Variants in MTCL3 observed in about 807,000 individuals in gnomAD.
The protein encoded by MTCL3 is MTCL family member 3.
At chr6:127,517,998 T>A in the MTCL3 span, among the ~76,000 whole-genome samples, 6 of 152,230 alleles carry the variant, frequency 3.9e-5, no homozygotes, top group African/African-American at 1.4e-4. Context: ...GCATCACAAC[T>A]TAGCATGCAG....
chr6:127,486,583 T>C, the MTCL3 span, among the ~76,000 whole-genome samples: 4 of 152,176 alleles, frequency 2.6e-5, no homozygotes, highest in Non-Finnish European at 5.9e-5. Context: ...CAGATTTTCA[T>C]ATTTGCTGGC....
chr6:127,505,178 T>C, the MTCL3 span, among the ~76,000 whole-genome samples: 5 of 152,226 alleles, frequency 3.3e-5, no homozygotes, highest in Admixed American at 2.0e-4. Flanking sequence ...AGTTGTAATT[T>C]CTACAGCGCT....
the MTCL3 span, among the ~76,000 whole-genome samples, chr6:127,482,144 T>G: frequency 6.6e-6 from 1 of 152,192 alleles, no homozygotes; most frequent in Non-Finnish European, 1.5e-5. This position sits in a 1 kb window ranked among gnomAD's most constrained non-coding sequence, Gnocchi z 4.1. Flanking sequence ...TAGCCATTCT[T>G]TTATTCCTTT....
chr6:127,494,761 C>G, the MTCL3 span, among the ~76,000 whole-genome samples: 1 of 152,080 alleles, frequency 6.6e-6, no homozygotes, highest in African/African-American at 2.4e-5. Flanking sequence ...AAAGCAAGAC[C>G]ACCTTGCTTT....
the MTCL3 span, chr6:127,473,033 A>C: frequency 3.1e-6 from 3 of 967,780 alleles, no homozygotes; most frequent in African/African-American, 1.7e-5. Context: ...GAAAAAAAGA[A>C]GTAAAAATTA....
the MTCL3 span, among the ~76,000 whole-genome samples, chr6:127,493,112 C>G: frequency 6.6e-6 from 1 of 152,134 alleles, no homozygotes; most frequent in East Asian, 1.9e-4. Flanking sequence ...TCATCCCACC[C>G]TTAGTTTTAG....
the MTCL3 span, among the ~76,000 whole-genome samples, chr6:127,508,607 T>C: frequency 6.6e-6 from 1 of 152,164 alleles, no homozygotes; most frequent in Non-Finnish European, 1.5e-5. Context: ...GAATCTTGTG[T>C]ATGGGTGAGG....
chr6:127,511,822 G>C, the MTCL3 span, among the ~76,000 whole-genome samples: 1 of 152,164 alleles, frequency 6.6e-6, no homozygotes, highest in African/African-American at 2.4e-5. Flanking sequence ...AAAGTCCTAA[G>C]ACATATTCTT....
At chr6:127,503,930 T>C in the MTCL3 span, among the ~76,000 whole-genome samples, 9,141 of 152,234 alleles carry the variant, frequency 0.06, 311 homozygotes, top group African/African-American at 0.09. Flanking sequence ...ATTCTCTTTT[T>C]GAAATTACTT....
At chr6:127,501,485 T>C in the MTCL3 span, among the ~76,000 whole-genome samples, 1 of 152,234 alleles carries the variant, frequency 6.6e-6, no homozygotes, top group Non-Finnish European at 1.5e-5. Context: ...GGTCTAATTA[T>C]TTCTACTATT....
the MTCL3 span, among the ~76,000 whole-genome samples, chr6:127,507,993 C>G: frequency 6.6e-6 from 1 of 151,802 alleles, no homozygotes. Context: ...ATTCGACAAA[C>G]TATTGGCTCT....
At chr6:127,512,791 C>T in the MTCL3 span, 1 of 1,156,380 alleles carries the variant, frequency 8.6e-7, no homozygotes, top group Non-Finnish European at 1.2e-6. Flanking sequence ...AATTGTCCTG[C>T]AATCATAAAA....
the MTCL3 span, among the ~76,000 whole-genome samples, chr6:127,509,024 T>A: frequency 4.6e-5 from 7 of 152,218 alleles, no homozygotes; most frequent in African/African-American, 1.7e-4. Flanking sequence ...TAAAAACCTC[T>A]GTCTCTTTGA....
At chr6:127,495,739 G>A in the MTCL3 span, among the ~76,000 whole-genome samples, 2 of 152,068 alleles carry the variant, frequency 1.3e-5, no homozygotes, top group Non-Finnish European at 2.9e-5. Flanking sequence ...TTTTCTGAGG[G>A]TAATTCCTGG....
chr6:127,492,266 G>C, the MTCL3 span, among the ~76,000 whole-genome samples: 1 of 152,080 alleles, frequency 6.6e-6, no homozygotes, highest in Non-Finnish European at 1.5e-5. Context: ...TTTTGGGATG[G>C]TTTGCTACAC....
the MTCL3 span, among the ~76,000 whole-genome samples, chr6:127,513,242 A>G: frequency 6.6e-6 from 1 of 152,166 alleles, no homozygotes; most frequent in Admixed American, 6.5e-5. Context: ...ATCCCATGGG[A>G]TAGGTACTAT....
the MTCL3 span, among the ~76,000 whole-genome samples, chr6:127,499,158 C>T: frequency 6.6e-6 from 1 of 152,054 alleles, no homozygotes; most frequent in Non-Finnish European, 1.5e-5. Flanking sequence ...TTTCTGAAAA[C>T]TATTTGCTAT....
At chr6:127,513,853 T>C in the MTCL3 span, among the ~76,000 whole-genome samples, 1 of 152,154 alleles carries the variant, frequency 6.6e-6, no homozygotes, top group Non-Finnish European at 1.5e-5. Flanking sequence ...TGTAGGATTT[T>C]TTTTCCCTTG....
the MTCL3 span, among the ~76,000 whole-genome samples, chr6:127,500,938 A>G: frequency 1.6e-4 from 24 of 152,170 alleles, no homozygotes; most frequent in Admixed American, 1.3e-3. Flanking sequence ...CAGCCTCCCA[A>G]GTAGCTGGGA....
Sources: allele counts gnomAD v4.1 joint callset (sites outside exome capture counted in the v4.1 genomes callset), GRCh38; gene constraint gnomAD v4.1.1; non-coding constraint Gnocchi (gnomAD v3.1); transcripts MANE v1.5; gene names NCBI Gene and HGNC (gene_info 2026-07-23, HGNC 2026-07-21).